The following RPRD1B variants were observed in gnomAD, a reference collection of about 807,000 sequenced individuals.
The protein encoded by RPRD1B is regulation of nuclear pre-mRNA domain containing 1B.
In RPRD1B, 11 loss-of-function variants were observed where a neutral mutation model predicts 41.5. That is an observed-to-expected ratio of 0.27 (90% CI 0.17 to 0.44). The LOEUF (loss-of-function observed/expected upper bound fraction) is 0.44. RPRD1B is among the 20% of genes least tolerant of loss of function. The pLI, the probability that RPRD1B is intolerant of heterozygous loss-of-function variation, is 1.00. For missense variants in RPRD1B, 248 were observed against 389.9 expected (o/e 0.64, Z 3.06); for synonymous variants, 158 against 155.6 (o/e 1.02, Z -0.12).
At chr20:38,059,864 T>A (rs1177229945) in intron 5 of RPRD1B, among the ~76,000 whole-genome samples, 2 of 152,130 alleles carry the variant, frequency 1.3e-5, no homozygotes, top group Non-Finnish European at 2.9e-5. Flanking sequence ...ATAACCCTCT[T>A]ACTAAAAGAA....
At chr20:38,072,918 A>G (rs1296013269) in intron 6 of RPRD1B, among the ~76,000 whole-genome samples, 1 of 152,210 alleles carries the variant, frequency 6.6e-6, no homozygotes, top group Non-Finnish European at 1.5e-5. Flanking sequence ...AGGCCTGGAT[A>G]TCTAAGTAAA....
intron 5 of RPRD1B, among the ~76,000 whole-genome samples, chr20:38,061,061 C>G (rs1189720046): frequency 6.6e-6 from 1 of 152,212 alleles, no homozygotes; most frequent in African/African-American, 2.4e-5. Flanking sequence ...TTTTGTTTCT[C>G]TGTTTCACTG....
intron 6 of RPRD1B, among the ~76,000 whole-genome samples, chr20:38,079,459 T>G (rs974317672): frequency 6.6e-6 from 1 of 152,170 alleles, no homozygotes; most frequent in African/African-American, 2.4e-5. Flanking sequence ...TTCCCTTCTT[T>G]GAGTTCATGT....
chr20:38,068,715 G>T (rs2074382873), intron 6 of RPRD1B, among the ~76,000 whole-genome samples: 1 of 152,122 alleles, frequency 6.6e-6, no homozygotes, highest in East Asian at 1.9e-4. Flanking sequence ...AAAAATTTAG[G>T]CAGTCTGCTC....
At chr20:38,074,765 CT>C (rs1191783078) in intron 6 of RPRD1B, among the ~76,000 whole-genome samples, 2 of 152,118 alleles carry the variant, frequency 1.3e-5, no homozygotes, top group East Asian at 3.9e-4. Flanking sequence ...TTTTTGTTTT[CT>C]TTTTTTGATT....
intron 3 of RPRD1B, among the ~76,000 whole-genome samples, chr20:38,054,042 C>T (rs2074216122): frequency 6.6e-6 from 1 of 152,100 alleles, no homozygotes; most frequent in Non-Finnish European, 1.5e-5. Context: ...ACAGTGGTCT[C>T]AACCAGCTGT....
chr20:38,065,434 T>C (rs968696480), intron 5 of RPRD1B, among the ~76,000 whole-genome samples: 1 of 152,222 alleles, frequency 6.6e-6, no homozygotes, highest in African/African-American at 2.4e-5. Context: ...CAAGACCTTC[T>C]GAGGATACCA....
intron 6 of RPRD1B, chr20:38,085,282 A>C (rs2074550205): frequency 6.6e-6 from 1 of 152,416 alleles, no homozygotes; most frequent in South Asian, 2.1e-4. Flanking sequence ...GCAGCTGTAA[A>C]TGGCACAGGA....
At chr20:38,034,810 GT>G (rs756049526) in intron 1 of RPRD1B, among the ~76,000 whole-genome samples, 6 of 152,152 alleles carry the variant, frequency 3.9e-5, no homozygotes, top group Non-Finnish European at 5.9e-5. Flanking sequence ...AACTCATTCT[GT>G]TATGTGCCAG....
intron 2 of RPRD1B, among the ~76,000 whole-genome samples, chr20:38,043,364 G>A (rs145581798): frequency 0.011 from 1,741 of 152,306 alleles, 24 homozygotes; most frequent in African/African-American, 0.036. Flanking sequence ...GATGAGGTCC[G>A]AGAGGTGGAC....
At chr20:38,042,868 A>G (rs1002128198) in intron 2 of RPRD1B, among the ~76,000 whole-genome samples, 1 of 136,566 alleles carries the variant, frequency 7.3e-6, no homozygotes, top group African/African-American at 3.4e-5. Flanking sequence ...ACAAACAGTA[A>G]AAAAAACTCT....
chr20:38,050,999 C>T (rs2074179570), intron 3 of RPRD1B, among the ~76,000 whole-genome samples: 1 of 152,128 alleles, frequency 6.6e-6, no homozygotes, highest in Admixed American at 6.5e-5. Context: ...CTTTTATATT[C>T]CAGCTTTGAT....
chr20:38,059,672 A>G (rs531152442), intron 5 of RPRD1B, 152 bp downstream of exon 5: 266 of 664,190 alleles, frequency 4.0e-4, no homozygotes, highest in Non-Finnish European at 5.7e-4. Flanking sequence ...CATAACTCAC[A>G]TGGTGAACAA....
intron 4 of RPRD1B, among the ~76,000 whole-genome samples, chr20:38,059,021 A>T (rs984730775): frequency 6.6e-6 from 1 of 152,108 alleles, no homozygotes; most frequent in Non-Finnish European, 1.5e-5. Context: ...GCCACAACAC[A>T]CAGTTGTTAA....
chr20:38,076,623 C>T (rs912328000), intron 6 of RPRD1B, among the ~76,000 whole-genome samples: 6 of 152,214 alleles, frequency 3.9e-5, no homozygotes, highest in Admixed American at 2.6e-4. Flanking sequence ...CTACATTCCA[C>T]CCAAGTGGCT....
intron 3 of RPRD1B, among the ~76,000 whole-genome samples, chr20:38,054,964 T>C (rs979408181): frequency 2.0e-5 from 3 of 152,218 alleles, no homozygotes; most frequent in Admixed American, 6.5e-5. Context: ...GTGTTTCTTA[T>C]GTAAATTTTA....
intron 6 of RPRD1B, among the ~76,000 whole-genome samples, chr20:38,069,865 CTG>C (rs2074394600): frequency 6.6e-6 from 1 of 152,198 alleles, no homozygotes; most frequent in Non-Finnish European, 1.5e-5. Context: ...GTTTCTGAAA[CTG>C]TAATGCCTTC....
intron 6 of RPRD1B, among the ~76,000 whole-genome samples, chr20:38,087,849 A>G (rs908943225): frequency 6.6e-6 from 1 of 152,086 alleles, no homozygotes; most frequent in Non-Finnish European, 1.5e-5. Flanking sequence ...CTTTTACCTG[A>G]TGTTATGTTT....
chr20:38,050,066 G>C (rs1024913129), intron 3 of RPRD1B, among the ~76,000 whole-genome samples: 1 of 152,142 alleles, frequency 6.6e-6, no homozygotes, highest in Non-Finnish European at 1.5e-5. Context: ...TCCCTGGCTT[G>C]TCTGGGCCCA....
Sources: allele counts gnomAD v4.1 joint callset (sites outside exome capture counted in the v4.1 genomes callset), GRCh38; gene constraint gnomAD v4.1.1; transcripts MANE v1.5; gene names NCBI Gene and HGNC (gene_info 2026-07-23, HGNC 2026-07-21).